HNRNPUL2: variants seen among roughly 807,000 people sequenced by gnomAD.
The protein encoded by HNRNPUL2 is heterogeneous nuclear ribonucleoprotein U like 2.
Under a neutral mutation model 102.2 loss-of-function variants are expected in HNRNPUL2, and 27 were observed. The observed-to-expected ratio is 0.26, with a 90% CI of 0.19 to 0.36. The LOEUF (loss-of-function observed/expected upper bound fraction) is 0.36. Ranked by LOEUF, HNRNPUL2 falls within the 10% of genes least tolerant of loss-of-function variation. HNRNPUL2 has a pLI of 1.00. For synonymous variants in HNRNPUL2, 458 were observed against 387.2 expected (o/e 1.18, Z -2.15); for missense variants, 936 against 981.1 (o/e 0.95, Z 0.61).
intron 10 of HNRNPUL2, 74 bp from the exon 11 acceptor site, chr11:62,717,263 C>G: frequency 4.3e-6 from 5 of 1,155,564 alleles, no homozygotes; most frequent in East Asian, 5.0e-5. Flanking sequence ...GAAAACTCTA[C>G]AAGAAGCATA....
intron 8 of HNRNPUL2, among the ~76,000 whole-genome samples, 174 bp downstream of exon 8, chr11:62,721,646 T>C (rs755834565): frequency 3.3e-5 from 5 of 152,094 alleles, no homozygotes; most frequent in Non-Finnish European, 7.4e-5. Context: ...TTTCAGAAAT[T>C]TGACAACACA....
chr11:62,720,530 G>A (rs1392918039), intron 9 of HNRNPUL2, among the ~76,000 whole-genome samples: 1 of 131,016 alleles, frequency 7.6e-6, no homozygotes, highest in Non-Finnish European at 1.6e-5. Context: ...GGTGGCGGCT[G>A]AGCAAGATTC....
chr11:62,718,082 ACT>A (rs1413577607), intron 10 of HNRNPUL2, among the ~76,000 whole-genome samples: 2 of 151,840 alleles, frequency 1.3e-5, no homozygotes, highest in African/African-American at 2.4e-5. Flanking sequence ...TTCTCAGTAA[ACT>A]CTGAGGATCT....
At chr11:62,720,969 G>A (rs1193754424) in intron 9 of HNRNPUL2, among the ~76,000 whole-genome samples, 1 of 151,622 alleles carries the variant, frequency 6.6e-6, no homozygotes, top group African/African-American at 2.4e-5. Context: ...CTACATGACA[G>A]GTATTATCCT....
In HNRNPUL2 at chr11:62,717,206, G is replaced by A. The variant is rs560922145; in HGVS notation, c.1781-17C>T. ...AGAAGTTGGCTATAAGAGTAAGAGA[G>A]AAGCTTGTGGGCCTGAAAAGTGCAT... On this transcript the variant is annotated splice_polypyrimidine_tract_variant and intron_variant, in intron 10 of 13. Transcript: ENST00000301785. The A allele has an allele frequency of 1.2e-6, 2 of 1,602,792 alleles. No individual in the cohort carries two copies. Among genetic ancestry groups the A allele is most frequent in the Admixed American group, 3.4e-5 (2 of 59,604 alleles).
At chr11:62,716,933 G>A in intron 11 of HNRNPUL2, 56 bp downstream of exon 11, 1 of 1,590,184 alleles carries the variant, frequency 6.3e-7, no homozygotes, top group Non-Finnish European at 8.6e-7. Flanking sequence ...ACATCTTGCT[G>A]TACTAAGCAC....
chr11:62,727,186 G>GCCT lies in HNRNPUL2; in HGVS notation c.-33_-31dup. 1 of 1,402,360 alleles carries GCCT rather than the reference G, an allele frequency of 7.1e-7. No individual in the cohort carries two copies. The highest frequency in any genetic ancestry group is 9.3e-7 in the Non-Finnish European group (1 of 1,077,608). 86.9% of individuals were successfully genotyped at this position (1,402,360 alleles called of 1,614,324 possible). On this transcript the variant is annotated 5_prime_UTR_variant, in exon 1 of 14. Coordinates refer to ENST00000301785, the MANE Select transcript of HNRNPUL2 (RefSeq NM_001079559.3). The stretch of plus-strand genomic sequence containing the variant: ...GCCGCCGCCTCCTCCGCCTCCCGCC[G>GCCT]CCTCCTCCCCTGCGAACCGTCGACC...
At position 62,713,528 on chromosome 11, in the gene HNRNPUL2, A is replaced by G. The variant is rs2083634879; in HGVS notation, c.*1771T>C. Reference sequence around the variant, plus strand: ...AAGAGAAAGGACATGACTATGAGTAAGCAAACTTATCTCCTACCAGCCCCA... The same window carrying G: ...AAGAGAAAGGACATGACTATGAGTAGGCAAACTTATCTCCTACCAGCCCCA... On this transcript the variant is annotated 3_prime_UTR_variant, in exon 14 of 14. Transcript: ENST00000301785. 1 of 152,254 alleles carries G rather than the reference A, an allele frequency of 6.6e-6. No individual in the cohort carries two copies. The highest frequency in any genetic ancestry group is 2.4e-5 in the African/African-American group (1 of 41,468). 9.4% of individuals were successfully genotyped at this position (152,254 alleles called of 1,614,324 possible).
intron 9 of HNRNPUL2, 138 bp downstream of exon 9, chr11:62,721,154 TACC>T: frequency 1.4e-6 from 1 of 705,742 alleles, no homozygotes; most frequent in Non-Finnish European, 2.4e-6. Context: ...TAATTAGGGG[TACC>T]TCTGAGTTCA....
chr11:62,717,845 G>A (rs2083671726), intron 10 of HNRNPUL2, among the ~76,000 whole-genome samples: 1 of 152,118 alleles, frequency 6.6e-6, no homozygotes, highest in Non-Finnish European at 1.5e-5. Context: ...ATCTATACAA[G>A]GAGAAGAGAA....
In HNRNPUL2 at chr11:62,712,885, G is replaced by T. The variant is rs760425087; in HGVS notation, c.*2414C>A. On this transcript the variant is annotated 3_prime_UTR_variant, in exon 14 of 14. Transcript: ENST00000301785. ...TTTCCTGTCTACAACTACAACAGAC[G>T]TCTGATAAAACACTAAACAAGTCTT... The T allele has an allele frequency of 1.4e-4, 21 of 152,218 alleles. No homozygotes were observed. The highest frequency in any genetic ancestry group is 2.5e-4 in the Non-Finnish European group (17 of 68,010). The allele number at this position is 152,218 out of a possible 1,614,324, so 9.4% of individuals were successfully genotyped here.
At chr11:62,717,608 C>G (rs1310330368) in intron 10 of HNRNPUL2, among the ~76,000 whole-genome samples, 2 of 152,216 alleles carry the variant, frequency 1.3e-5, no homozygotes, top group Non-Finnish European at 2.9e-5. Flanking sequence ...GTAATCCCAG[C>G]ATTTTGGGAG....
At position 62,720,200 on chromosome 11, in the gene HNRNPUL2, A is replaced by G. The variant is rs1590897235; in HGVS notation, c.1612-9T>C. Reference sequence around the variant, plus strand: ...GAATTGTACACATTACACTAAGAACAGGAGGAATAACTGATGTTTAGGAAG... The same window carrying G: ...GAATTGTACACATTACACTAAGAACGGGAGGAATAACTGATGTTTAGGAAG... On this transcript the variant is annotated splice_polypyrimidine_tract_variant and intron_variant, in intron 9 of 13. Coordinates refer to ENST00000301785, the MANE Select transcript of HNRNPUL2 (RefSeq NM_001079559.3). 5.6e-6 allele frequency: 9 copies of G among 1,612,288 alleles called. No homozygotes were observed. In the East Asian group the frequency reaches 2.0e-4, roughly 36 times the overall value.
intron 4 of HNRNPUL2, 66 bp downstream of exon 4, chr11:62,723,521 C>T (rs979600495): frequency 3.2e-5 from 47 of 1,452,470 alleles, no homozygotes; most frequent in Non-Finnish European, 4.2e-5. Flanking sequence ...TCTTCTTTTC[C>T]CCCTCTAAGA....
At chr11:62,715,992 C>T (rs771267565) in intron 11 of HNRNPUL2, 55 bp from the exon 12 acceptor site, 84 of 1,402,150 alleles carry the variant, frequency 6.0e-5, no homozygotes, top group Non-Finnish European at 7.6e-5. Flanking sequence ...CCTGGCTCCA[C>T]ATCTGGGTGG....
chr11:62,720,883 AAAAAG>A (rs1391429267), intron 9 of HNRNPUL2, among the ~76,000 whole-genome samples: 1 of 151,564 alleles, frequency 6.6e-6, no homozygotes. Context: ...AAAAAAAAAA[AAAAAG>A]ACTCAGTATC....
intron 1 of HNRNPUL2, 148 bp from the exon 2 acceptor site, chr11:62,724,574 C>A: frequency 1.1e-6 from 1 of 887,118 alleles, no homozygotes; most frequent in Non-Finnish European, 1.7e-6. Context: ...CATTTTATTT[C>A]TAAAGATCAG....
At chr11:62,718,986 G>A (rs914404520) in intron 10 of HNRNPUL2, among the ~76,000 whole-genome samples, 99 of 151,952 alleles carry the variant, frequency 6.5e-4, no homozygotes, top group African/African-American at 2.3e-3. Context: ...CACCATGCCC[G>A]ACTAATTTTT....
Position 62,726,702 on chromosome 11 carries a change from C to T in HNRNPUL2, c.455G>A (p.Arg152Lys), listed in dbSNP as rs2083752015. The change falls in exon 1 of 14, where the codon AGG (arginine) becomes AAG (lysine). Residue 152 changes from arginine to lysine, a missense_variant. Around this residue, in one of 2 missense-constraint regions of HNRNPUL2, gnomAD observed 327 missense variants for 268.1 expected, o/e 1.22. Coordinates refer to ENST00000301785, the MANE Select transcript of HNRNPUL2 (RefSeq NM_001079559.3). ...CCGCTCCTCGGGTTCGTCTTCCTCC[C>T]TCTTGCCGAGGCCCTGCTCTTCGCC... ...NGGEEQGLGK[R>K]EEDEPEERSG... 3 of 1,600,368 alleles carry T rather than the reference C, an allele frequency of 1.9e-6. No homozygotes were observed. Among genetic ancestry groups the T allele is most frequent in the African/African-American group, 1.3e-5 (1 of 74,906 alleles).
Sources: gnomAD v4.1 joint callset for allele counts (sites outside exome capture counted in the v4.1 genomes callset) on GRCh38, gnomAD v4.1.1 for gene constraint, gnomAD v4.1.1 regional missense constraint, MANE v1.5 for transcripts, NCBI Gene and HGNC (gene_info 2026-07-23, HGNC 2026-07-21) for gene names.